The following NELL1 variants were observed in gnomAD, a reference collection of about 807,000 sequenced individuals.
NELL1 encodes the protein neural EGFL like 1, also known as protein kinase C-binding protein NELL1.
In NELL1, 76 loss-of-function variants were observed where a neutral mutation model predicts 107.4. The observed-to-expected ratio is 0.71, with a 90% CI of 0.59 to 0.86. NELL1 has a LOEUF of 0.86. Among genes scored for constraint, NELL1 ranks in the 40% least tolerant of loss-of-function variants. The pLI is 0.00. For synonymous variants in NELL1, 353 were observed against 341.2 expected, an observed-to-expected ratio of 1.03 and a Z score of -0.38; for missense variants, 1,024 against 1,005.5, an observed-to-expected ratio of 1.02 and a Z score of -0.25.
intron 12 of NELL1, among the ~76,000 whole-genome samples, chr11:21,019,007 T>TAATTAAAGCAGA (rs1289475766): frequency 6.6e-6 from 1 of 152,100 alleles, no homozygotes; most frequent in African/African-American, 2.4e-5. Context: ...CTTTCTGCTT[T>TAATTAAAGCAGA]AATTGGTCTT....
intron 12 of NELL1, among the ~76,000 whole-genome samples, chr11:21,060,738 G>T (rs920803225): frequency 4.6e-5 from 7 of 152,256 alleles, no homozygotes; most frequent in Middle Eastern, 3.4e-3. Context: ...GTCTCACTTT[G>T]TTGCCCAGGC....
chr11:21,151,305 A>AG (rs1243324143), intron 13 of NELL1, among the ~76,000 whole-genome samples: 1 of 152,172 alleles, frequency 6.6e-6, no homozygotes, highest in African/African-American at 2.4e-5. Flanking sequence ...TTTGAAAACC[A>AG]GGATCCTTTA....
intron 12 of NELL1, among the ~76,000 whole-genome samples, chr11:21,079,778 G>T (rs988467260): frequency 1.3e-5 from 2 of 152,054 alleles, no homozygotes; most frequent in Non-Finnish European, 2.9e-5. Context: ...CAGGAAGTGT[G>T]CTCTATAGCA....
At chr11:21,307,730 T>C (rs1381526382) in intron 14 of NELL1, among the ~76,000 whole-genome samples, 1 of 151,984 alleles carries the variant, frequency 6.6e-6, no homozygotes, top group Non-Finnish European at 1.5e-5. Flanking sequence ...CCTAGCTTTA[T>C]TCTAAGATAA....
chr11:20,764,860 G>T (rs1386697772), intron 2 of NELL1, among the ~76,000 whole-genome samples: 1 of 152,074 alleles, frequency 6.6e-6, no homozygotes, highest in Non-Finnish European at 1.5e-5. Flanking sequence ...ACTGGGGGCT[G>T]CTGTTTAAAT....
chr11:21,132,744 T>G (rs534646047), intron 13 of NELL1, among the ~76,000 whole-genome samples: 1 of 151,946 alleles, frequency 6.6e-6, no homozygotes, highest in East Asian at 1.9e-4. Context: ...GGGTCGAAGC[T>G]CTTCTTTCCT....
chr11:20,748,839 T>A (rs1453946487), intron 2 of NELL1, among the ~76,000 whole-genome samples: 1 of 152,040 alleles, frequency 6.6e-6, no homozygotes, highest in South Asian at 2.1e-4. Flanking sequence ...GTTGGTTCCA[T>A]GTCTTTGCAA....
At chr11:20,862,419 G>A (rs1376169994) in intron 4 of NELL1, among the ~76,000 whole-genome samples, 1 of 151,954 alleles carries the variant, frequency 6.6e-6, no homozygotes, top group Non-Finnish European at 1.5e-5. Context: ...GCACAAGAGT[G>A]GTACTTTGTT....
chr11:21,378,716 CAT>C (rs771208184), intron 15 of NELL1, among the ~76,000 whole-genome samples: 79 of 119,258 alleles, frequency 6.6e-4, no homozygotes, highest in African/African-American at 2.5e-3. Context: ...CACACTTGTA[CAT>C]TTTTTTTTTT....
chr11:20,763,266 C>G (rs1019562765), intron 2 of NELL1, among the ~76,000 whole-genome samples: 2 of 151,992 alleles, frequency 1.3e-5, no homozygotes, highest in Non-Finnish European at 2.9e-5. Context: ...AAGAGCAAGC[C>G]CTCCCACTGT....
chr11:20,778,686 C>T (rs745612432), intron 2 of NELL1, among the ~76,000 whole-genome samples: 4 of 151,992 alleles, frequency 2.6e-5, no homozygotes, highest in Non-Finnish European at 4.4e-5. Context: ...CATTTTCCCC[C>T]GTTTTAAAAA....
At chr11:20,739,812 A>T (rs1212356417) in intron 2 of NELL1, among the ~76,000 whole-genome samples, 2 of 152,198 alleles carry the variant, frequency 1.3e-5, no homozygotes, top group Non-Finnish European at 2.9e-5. Context: ...TGAGAAAGGA[A>T]GTAGTGAAAT....
intron 12 of NELL1, among the ~76,000 whole-genome samples, chr11:21,109,004 T>C (rs944751436): frequency 6.6e-6 from 1 of 152,050 alleles, no homozygotes; most frequent in Admixed American, 6.6e-5. Flanking sequence ...ACTGGCACAG[T>C]GAGAACAATG....
intron 5 of NELL1, among the ~76,000 whole-genome samples, chr11:20,898,064 T>C (rs533698132): frequency 6.6e-6 from 1 of 152,282 alleles, no homozygotes; most frequent in Non-Finnish European, 1.5e-5. Context: ...GCCATCCCAT[T>C]ACTGGGTATA....
intron 15 of NELL1, among the ~76,000 whole-genome samples, chr11:21,397,585 A>G (rs1852010163): frequency 6.6e-6 from 1 of 151,702 alleles, no homozygotes; most frequent in African/African-American, 2.4e-5. Context: ...TATCACAAAC[A>G]TGTATCTATA....
Position 20,975,849 on chromosome 11 carries a change from T to C in NELL1, c.1300+15289T>C, listed in dbSNP as rs1474575836. On this transcript the variant is annotated intron_variant, in intron 12 of 19. Transcript: ENST00000357134. The stretch of plus-strand genomic sequence containing the variant: ...TATATATGTACATATGTGTATTATA[T>C]ATACATATATGTGTATTATATATAC... Among the ~76,000 whole-genome samples the C allele has an allele frequency of 5.1e-5, 7 of 136,674 alleles. 1 individual carries two copies. The highest frequency in any genetic ancestry group is 1.9e-4 in the African/African-American group (7 of 37,594). The allele number at this position is 136,674 out of a possible 152,430, so 89.7% of individuals were successfully genotyped here.
chr11:20,760,113 G>A (rs1055907455), intron 2 of NELL1, among the ~76,000 whole-genome samples: 11 of 152,260 alleles, frequency 7.2e-5, no homozygotes, highest in South Asian at 6.2e-4. Flanking sequence ...AACATATAGC[G>A]GCTATATGGT....
chr11:20,891,816 T>A (rs746860451), intron 5 of NELL1, among the ~76,000 whole-genome samples: 1 of 152,136 alleles, frequency 6.6e-6, no homozygotes, highest in Admixed American at 6.5e-5. Context: ...GAGATAACTA[T>A]CCTAAATACA....
chr11:21,548,410 A>G (rs1856494426), intron 16 of NELL1, among the ~76,000 whole-genome samples: 2 of 151,916 alleles, frequency 1.3e-5, no homozygotes, highest in Admixed American at 1.3e-4. Flanking sequence ...TTAATGGAGA[A>G]CTCACAGTTC....
Sources: gnomAD v4.1 joint callset for allele counts (sites outside exome capture counted in the v4.1 genomes callset) on GRCh38, gnomAD v4.1.1 for gene constraint, MANE v1.5 for transcripts, NCBI Gene and HGNC (gene_info 2026-07-23, HGNC 2026-07-21) for gene names.